Variants in EXOC6B observed in about 807,000 individuals in gnomAD.
The protein encoded by EXOC6B is exocyst complex component 6B.
Under a neutral mutation model 113.5 loss-of-function variants are expected in EXOC6B, and 54 were observed. The observed-to-expected ratio is 0.48, with a 90% CI of 0.38 to 0.60. The LOEUF is 0.60. Among genes scored for constraint, EXOC6B ranks in the 20% least tolerant of loss-of-function variants. EXOC6B has a pLI of 0.00. For missense variants in EXOC6B, 797 were observed against 977.5 expected (o/e 0.82, Z 2.46); for synonymous variants, 357 against 339.0 (o/e 1.05, Z -0.58).
intron 20 of EXOC6B, among the ~76,000 whole-genome samples, chr2:72,288,240 T>A (rs1193343017): frequency 6.6e-6 from 1 of 152,166 alleles, no homozygotes; most frequent in Non-Finnish European, 1.5e-5. Flanking sequence ...ATAAACTGAT[T>A]ACAATCACTT....
intron 20 of EXOC6B, among the ~76,000 whole-genome samples, chr2:72,254,032 C>T (rs1187138870): frequency 1.3e-5 from 2 of 151,810 alleles, no homozygotes; most frequent in Admixed American, 6.6e-5. Context: ...TGGTGGTGGG[C>T]ACCTGTAGTC....
chr2:72,373,941 T>C (rs1691195176), intron 19 of EXOC6B, among the ~76,000 whole-genome samples: 1 of 152,056 alleles, frequency 6.6e-6, no homozygotes, highest in Middle Eastern at 3.2e-3. Flanking sequence ...GGCAACATGG[T>C]GAAACTCCAT....
intron 11 of EXOC6B, among the ~76,000 whole-genome samples, chr2:72,509,489 T>G (rs1257332555): frequency 6.6e-6 from 1 of 152,102 alleles, no homozygotes; most frequent in East Asian, 1.9e-4. Context: ...ACAGAAATAC[T>G]AAAATCAAAT....
chr2:72,516,559 C>T (rs1469300331), intron 8 of EXOC6B, among the ~76,000 whole-genome samples: 1 of 152,040 alleles, frequency 6.6e-6, no homozygotes, highest in Non-Finnish European at 1.5e-5. Flanking sequence ...TACTCTTAAT[C>T]CAAAGCTTTT....
At chr2:72,595,154 G>C (rs1669993365) in intron 6 of EXOC6B, among the ~76,000 whole-genome samples, 1 of 151,656 alleles carries the variant, frequency 6.6e-6, no homozygotes, top group Non-Finnish European at 1.5e-5. Flanking sequence ...CCAGCAACTT[G>C]GGAGGCTGAG....
intron 6 of EXOC6B, among the ~76,000 whole-genome samples, chr2:72,692,890 T>C (rs1396710822): frequency 6.6e-6 from 1 of 152,214 alleles, no homozygotes; most frequent in Non-Finnish European, 1.5e-5. Context: ...AAGTCAATAC[T>C]AATATCCTCT....
chr2:72,418,571 G>C (rs1284968207), intron 18 of EXOC6B, among the ~76,000 whole-genome samples: 2 of 151,998 alleles, frequency 1.3e-5, no homozygotes, highest in African/African-American at 4.8e-5. Context: ...CATTGTTTTT[G>C]TTTCTTGCAA....
At chr2:72,676,105 T>C (rs773833585) in intron 6 of EXOC6B, among the ~76,000 whole-genome samples, 11 of 149,892 alleles carry the variant, frequency 7.3e-5, no homozygotes, top group Non-Finnish European at 1.6e-4. Context: ...TGAACTAATA[T>C]GTGTACAATT....
intron 8 of EXOC6B, among the ~76,000 whole-genome samples, chr2:72,541,229 C>A (rs1573357039): frequency 6.6e-6 from 1 of 152,146 alleles, no homozygotes; most frequent in African/African-American, 2.4e-5. Context: ...TGCCTTTCAC[C>A]TCCTGCCATG....
At chr2:72,360,808 A>C (rs1690264186) in intron 19 of EXOC6B, among the ~76,000 whole-genome samples, 2 of 152,036 alleles carry the variant, frequency 1.3e-5, no homozygotes, top group South Asian at 4.2e-4. Context: ...TGATAAATGC[A>C]AGGATAGTAA....
chr2:72,754,710 C>T (rs919018683), intron 1 of EXOC6B, among the ~76,000 whole-genome samples: 4 of 150,718 alleles, frequency 2.7e-5, no homozygotes, highest in Admixed American at 6.6e-5. Context: ...AGCTTCTGGG[C>T]TTAAGGGACC....
At chr2:72,649,134 T>C (rs956739262) in intron 6 of EXOC6B, among the ~76,000 whole-genome samples, 2 of 152,140 alleles carry the variant, frequency 1.3e-5, no homozygotes, top group Non-Finnish European at 2.9e-5. Flanking sequence ...GGAGAGACCC[T>C]GTCTCTATTT....
intron 20 of EXOC6B, among the ~76,000 whole-genome samples, chr2:72,194,597 C>CTCTCTCTCTCTCTG (rs747161190): frequency 1.2e-4 from 18 of 147,298 alleles, no homozygotes; most frequent in Admixed American, 5.6e-4. Flanking sequence ...CTCTCTCTCT[C>CTCTCTCTCTCTCTG]TGTGTGTGTG....
chr2:72,656,596 C>T lies in EXOC6B; in HGVS notation c.669+61507G>A, dbSNP rs528770299. Among the ~76,000 whole-genome samples the T allele has an allele frequency of 8.5e-5, 13 of 152,154 alleles. No homozygotes were observed. In the South Asian group the frequency reaches 2.7e-3, roughly 32 times the overall value. Reference sequence around the variant, plus strand: ...TTAGAAAAAGTTTATTTGAAAAACACAGCTAACCAACAGACTGGATAAAAA... The same window carrying T: ...TTAGAAAAAGTTTATTTGAAAAACATAGCTAACCAACAGACTGGATAAAAA... On this transcript the variant is annotated intron_variant, in intron 6 of 21. Transcript: ENST00000272427.
intron 20 of EXOC6B, among the ~76,000 whole-genome samples, chr2:72,275,729 C>T (rs1225800866): frequency 6.6e-6 from 1 of 152,148 alleles, no homozygotes; most frequent in African/African-American, 2.4e-5. Flanking sequence ...CAAGTTCAGC[C>T]GCTGTGCCAA....
intron 20 of EXOC6B, among the ~76,000 whole-genome samples, chr2:72,287,226 G>A (rs942138307): frequency 2.6e-5 from 4 of 151,680 alleles, no homozygotes; most frequent in African/African-American, 7.3e-5. Flanking sequence ...TCAGGAGATC[G>A]AGACCATCCT....
At chr2:72,745,783 C>T (rs1681657320) in intron 1 of EXOC6B, among the ~76,000 whole-genome samples, 1 of 152,110 alleles carries the variant, frequency 6.6e-6, no homozygotes, top group Non-Finnish European at 1.5e-5. Flanking sequence ...TTAAATATAA[C>T]ACTTTGCTAA....
Position 72,532,728 on chromosome 2 carries a change from G to A in EXOC6B, c.916-17602C>T, listed in dbSNP as rs187383037. Among the ~76,000 whole-genome samples the A allele has an allele frequency of 4.9e-3, 748 of 151,880 alleles. 11 individuals carry two copies. Among genetic ancestry groups the A allele is most frequent in the African/African-American group, 0.017 (694 of 41,440 alleles). On this transcript the variant is annotated intron_variant, in intron 8 of 21. Transcript: ENST00000272427. Reference sequence around the variant, plus strand: ...GAGGCTGAGGCAGGAGAATTGCTTGGACCCAGGAGGCGGAGGTTGCAGTGA... The same window carrying A: ...GAGGCTGAGGCAGGAGAATTGCTTGAACCCAGGAGGCGGAGGTTGCAGTGA...
At chr2:72,791,132 G>A (rs1013714072) in intron 1 of EXOC6B, among the ~76,000 whole-genome samples, 6 of 152,044 alleles carry the variant, frequency 3.9e-5, no homozygotes, top group Non-Finnish European at 5.9e-5. Context: ...TATTTTGAAC[G>A]TTCACAACAC....
Sources: allele counts gnomAD v4.1 joint callset (sites outside exome capture counted in the v4.1 genomes callset), GRCh38; gene constraint gnomAD v4.1.1; transcripts MANE v1.5; gene names NCBI Gene and HGNC (gene_info 2026-07-23, HGNC 2026-07-21).